Variants in MYO9B observed in about 807,000 individuals in gnomAD.
MYO9B encodes the protein myosin IXB.
A neutral mutation model predicts 229.5 loss-of-function variants in MYO9B; 71 were observed. The ratio of observed to expected loss-of-function variants is 0.31; its 90% CI spans 0.26 to 0.38. MYO9B has a LOEUF of 0.38. Among genes scored for constraint, MYO9B ranks in the 10% least tolerant of loss-of-function variants. The pLI is 1.00. For synonymous variants in MYO9B, 1,185 were observed against 1,235.8 expected, an observed-to-expected ratio of 0.96 and a Z score of 0.86; for missense variants, 2,255 against 2,920.5, an observed-to-expected ratio of 0.77 and a Z score of 5.25.
At chr19:17,081,301 A>G (rs2057531916) in intron 1 of MYO9B, among the ~76,000 whole-genome samples, 1 of 152,198 alleles carries the variant, frequency 6.6e-6, no homozygotes, top group South Asian at 2.1e-4. Context: ...TGCTGGGATA[A>G]CAGATGTGAG....
chr19:17,177,286 GTTT>G (rs796290437), intron 14 of MYO9B, among the ~76,000 whole-genome samples: 3 of 132,836 alleles, frequency 2.3e-5, no homozygotes, highest in Non-Finnish European at 1.7e-5. Context: ...TTGTTTGTTG[GTTT>G]TTTTTTTTTT....
Position 17,192,868 on chromosome 19 carries a change from G to A in MYO9B, c.2934G>A (p.Gln978=). The A allele has an allele frequency of 1.3e-6, 2 of 1,550,802 alleles. No individual in the cohort carries two copies. The stretch of plus-strand genomic sequence containing the variant: ...TGCTGGAGCGTCGGCACTTCCTGCA[G>A]ATGAAGCGGGCCGCCGTCACCATCC... ...RMVLERRHFL[Q]MKRAAVTIQA... Residue 978 remains glutamine (Q), a synonymous_variant, in exon 21 of 40, where the codon CAG becomes CAA. Coordinates refer to ENST00000682292, the MANE Select transcript of MYO9B (RefSeq NM_004145.4).
At chr19:17,149,078 G>A (rs185573797) in intron 3 of MYO9B, among the ~76,000 whole-genome samples, 56 of 152,190 alleles carry the variant, frequency 3.7e-4, no homozygotes, top group African/African-American at 8.4e-4. Context: ...GGAGTCAAGC[G>A]ATCCTCCTGC....
chr19:17,130,059 A>G (rs1253715251), intron 2 of MYO9B, among the ~76,000 whole-genome samples: 1 of 152,060 alleles, frequency 6.6e-6, no homozygotes, highest in Non-Finnish European at 1.5e-5. Context: ...GCCTCAAGCG[A>G]TCCTCCTGCC....
At chr19:17,146,874 T>A (rs943217299) in intron 3 of MYO9B, among the ~76,000 whole-genome samples, 2 of 152,210 alleles carry the variant, frequency 1.3e-5, no homozygotes, top group African/African-American at 4.8e-5. Flanking sequence ...ATGGGATTTG[T>A]AAAGGTCCCA....
intron 15 of MYO9B, among the ~76,000 whole-genome samples, chr19:17,182,156 G>C (rs191194399): frequency 6.6e-6 from 1 of 151,314 alleles, no homozygotes; most frequent in African/African-American, 2.4e-5. Context: ...CACCGCTCAC[G>C]GCAGGTTCGA....
intron 3 of MYO9B, among the ~76,000 whole-genome samples, chr19:17,146,908 CTG>C (rs2145242755): frequency 6.6e-6 from 1 of 152,346 alleles, no homozygotes; most frequent in South Asian, 2.1e-4. Flanking sequence ...CTGAACCTGA[CTG>C]ATGATCATTT....
chr19:17,200,627 G>T lies in MYO9B; in HGVS notation c.4373-12G>T. 1 of 1,605,966 alleles carries T rather than the reference G, an allele frequency of 6.2e-7. No homozygotes were observed. Among genetic ancestry groups the T allele is most frequent in the African/African-American group, 1.3e-5 (1 of 74,894 alleles). ...AACCCACCCTCACCGGCTGCTTCCT[G>T]TCCCCCCTCAGCCCCCTCCGGACAG... is the stretch of plus-strand genomic sequence containing the variant. On this transcript the variant is annotated splice_polypyrimidine_tract_variant and intron_variant, in intron 25 of 39. Transcript: ENST00000682292.
At chr19:17,116,705 C>T (rs113551246) in intron 2 of MYO9B, among the ~76,000 whole-genome samples, 151 of 152,112 alleles carry the variant, frequency 9.9e-4, no homozygotes, top group African/African-American at 3.4e-3. Flanking sequence ...GGGTGCAGAC[C>T]GCAGAGAGGC....
At chr19:17,179,449 CAG>C (rs372526409) in intron 14 of MYO9B, among the ~76,000 whole-genome samples, 14,128 of 118,660 alleles carry the variant, frequency 0.12, 1,583 homozygotes, top group African/African-American at 0.31. Flanking sequence ...TTTTTTTAGA[CAG>C]AGTCTCACTC....
Position 17,194,753 on chromosome 19 carries a change from C to A in MYO9B, c.3326C>A (p.Ser1109Tyr). ...CCTGAGGTGCAGCCAAGTGACAGGTCCCCCCTAGAGCACTCCTCACCTGAG... is the reference window on the plus strand; with the variant it reads ...CCTGAGGTGCAGCCAAGTGACAGGTACCCCCTAGAGCACTCCTCACCTGAG... ...SEPEVQPSDR[S>Y]PLEHSSPEKE... is the part of the protein sequence containing the mutation. Residue 1109 changes from serine to tyrosine, a missense_variant, in exon 22 of 40, where the codon TCC (serine) becomes TAC (tyrosine). Ser to Tyr is a moderately radical substitution (Grantham distance 144). Coordinates refer to ENST00000682292, the MANE Select transcript of MYO9B (RefSeq NM_004145.4). 2 of 1,613,132 alleles carry A rather than the reference C, an allele frequency of 1.2e-6. No homozygotes were observed. The highest frequency in any genetic ancestry group is 1.7e-6 in the Non-Finnish European group (2 of 1,179,856).
At position 17,212,496 on chromosome 19, in the gene MYO9B, C is replaced by T. The variant is rs1159300056; in HGVS notation, c.*186C>T. The T allele has an allele frequency of 1.6e-6, 1 of 635,684 alleles. No individual in the cohort carries two copies. The highest frequency in any genetic ancestry group is 1.9e-5 in the African/African-American group (1 of 52,438). 39.4% of individuals were successfully genotyped at this position (635,684 alleles called of 1,614,324 possible). The stretch of plus-strand genomic sequence containing the variant: ...AGGGAGAGGCCGGCTGGAGCCAGGC[C>T]CCCTCGCACGCAGCCCCCAAATCAT... On this transcript the variant is annotated 3_prime_UTR_variant, in exon 40 of 40. Transcript: ENST00000682292. The surrounding 1 kb of genome is among the most constrained non-coding windows in gnomAD (Gnocchi z 5.4).
intron 3 of MYO9B, among the ~76,000 whole-genome samples, chr19:17,151,667 A>G (rs2072478549): frequency 6.6e-6 from 1 of 152,198 alleles, no homozygotes; most frequent in Non-Finnish European, 1.5e-5. Context: ...CTGTAATCCC[A>G]ACACTTCAGG....
chr19:17,135,725 C>T (rs1411375570), intron 2 of MYO9B, among the ~76,000 whole-genome samples: 1 of 152,084 alleles, frequency 6.6e-6, no homozygotes, highest in Non-Finnish European at 1.5e-5. Context: ...AATCGCAGAA[C>T]CAGAAAGCCA....
chr19:17,156,646 G>A (rs1568277594), intron 6 of MYO9B, among the ~76,000 whole-genome samples: 1 of 152,188 alleles, frequency 6.6e-6, no homozygotes, highest in Non-Finnish European at 1.5e-5. Context: ...GAGCCCAGGA[G>A]TTGGAGGTTA....
At position 17,193,914 on chromosome 19, in the gene MYO9B, TGTAAG is replaced by T. The variant is rs1288125168; in HGVS notation, c.3129-640_3129-636del. Among the ~76,000 whole-genome samples the T allele has an allele frequency of 8.7e-4, 132 of 152,240 alleles. 1 individual carries two copies. Among genetic ancestry groups the T allele is most frequent in the African/African-American group, 3.2e-3 (131 of 41,540 alleles). On this transcript the variant is annotated intron_variant, in intron 21 of 39. Coordinates refer to ENST00000682292, the MANE Select transcript of MYO9B (RefSeq NM_004145.4). The surrounding 1 kb of genome is among the most constrained non-coding windows in gnomAD (Gnocchi z 4.3). ...CAGGCTGGGCATAGTGGCTCACACC[TGTAAG>T]GCCAGCACTTTGGGAGGCCAAGGCA...
Position 17,147,458 on chromosome 19 carries a change from C to T in MYO9B, c.935+1967C>T, listed in dbSNP as rs867782173. On this transcript the variant is annotated intron_variant, in intron 3 of 39. Coordinates refer to ENST00000682292, the MANE Select transcript of MYO9B (RefSeq NM_004145.4). ...ACTCAGGAGGCTGAAGCAGGAGAAT[C>T]GCTTGAACCCAGGAGGCGGAGATTG... Among the ~76,000 whole-genome samples, 6 of 149,158 alleles carry T rather than the reference C, an allele frequency of 4.0e-5. No homozygotes were observed. In the South Asian group the frequency reaches 8.6e-4, roughly 21 times the overall value.
chr19:17,112,490 C>T (rs2057857112), intron 2 of MYO9B, among the ~76,000 whole-genome samples: 1 of 152,172 alleles, frequency 6.6e-6, no homozygotes. Flanking sequence ...AGCGTTTGCA[C>T]GTGGCTTCCC....
chr19:17,194,895 G>A lies in MYO9B; in HGVS notation c.3468G>A (p.Leu1156=). The change falls in exon 22 of 40, where the codon CTG becomes CTA. Residue 1156 remains leucine, a synonymous_variant. Coordinates refer to ENST00000682292, the MANE Select transcript of MYO9B (RefSeq NM_004145.4). Reference sequence around the variant, plus strand: ...GTGAGTCGCGTCGGCAAAGAGGGCTGGAGCACGTCAAGTTCCAGAACAAAC... The same window carrying A: ...GTGAGTCGCGTCGGCAAAGAGGGCTAGAGCACGTCAAGTTCCAGAACAAAC... ...EKRESRRQRG[L]EHVKFQNKHI... 1 of 1,613,398 alleles carries A rather than the reference G, an allele frequency of 6.2e-7. No individual in the cohort carries two copies. Among genetic ancestry groups the A allele is most frequent in the Non-Finnish European group, 8.5e-7 (1 of 1,179,900 alleles).
Sources: allele counts gnomAD v4.1 joint callset (sites outside exome capture counted in the v4.1 genomes callset), GRCh38; gene constraint gnomAD v4.1.1; non-coding constraint Gnocchi (gnomAD v3.1); transcripts MANE v1.5; gene names NCBI Gene and HGNC (gene_info 2026-07-23, HGNC 2026-07-21).